ARHGAP6: variants seen among roughly 807,000 people sequenced by gnomAD.
ARHGAP6 encodes rho GTPase-activating protein 6.
ARHGAP6 carries 16 observed loss-of-function variants against 55.7 expected under a neutral mutation model. The observed-to-expected ratio is 0.29, with a 90% confidence interval of 0.19 to 0.44. The LOEUF (loss-of-function observed/expected upper bound fraction) is 0.44, where lower values mean the gene tolerates loss of function less well. Among genes scored for constraint, ARHGAP6 ranks in the 20% least tolerant of loss-of-function variants. The pLI, the probability that ARHGAP6 is intolerant of heterozygous loss-of-function variation, is 1.00. For missense variants in ARHGAP6, 698 were observed against 808.9 expected, an observed-to-expected ratio of 0.86 and a Z score of 1.66; for synonymous variants, 382 against 360.9, an observed-to-expected ratio of 1.06 and a Z score of -0.66.
At chrX:11,146,467 C>T (rs1199423340) in intron 10 of ARHGAP6, among the ~76,000 whole-genome samples, 3 of 112,129 alleles carry the variant, frequency 2.7e-5, no homozygotes, top group Non-Finnish European at 5.6e-5. Flanking sequence ...CAATGAGAGA[C>T]GATGTCTTCT....
At chrX:11,265,714 C>T in intron 1 of ARHGAP6, 1 of 887,999 alleles carries the variant, frequency 1.1e-6, no homozygotes, top group Non-Finnish European at 1.4e-6. Context: ...CGCGTCTTTG[C>T]TGTCCTCTCT....
chrX:11,391,844 C>G (rs1394808323), intron 1 of ARHGAP6, among the ~76,000 whole-genome samples: 1 of 111,584 alleles, frequency 9.0e-6, no homozygotes, highest in African/African-American at 3.3e-5. Context: ...TTGAGTGGGT[C>G]TGGGGTGTGC....
At chrX:11,449,343 T>G (rs773970207) in intron 1 of ARHGAP6, among the ~76,000 whole-genome samples, 1 of 112,577 alleles carries the variant, frequency 8.9e-6, no homozygotes, top group Admixed American at 9.4e-5. Context: ...CAATTACATC[T>G]GATTAGCAAC....
intron 2 of ARHGAP6, among the ~76,000 whole-genome samples, chrX:11,215,246 C>A (rs1336861046): frequency 8.9e-6 from 1 of 112,991 alleles, no homozygotes; most frequent in Non-Finnish European, 1.9e-5. Context: ...AGGTGCACAC[C>A]GGGTGACTCC....
intron 1 of ARHGAP6, among the ~76,000 whole-genome samples, chrX:11,462,831 A>T (rs1316307782): frequency 8.9e-6 from 1 of 112,608 alleles, no homozygotes; most frequent in Non-Finnish European, 1.9e-5. Flanking sequence ...GTGAGCAAAA[A>T]CTGGACCTCT....
chrX:11,138,611 G>A lies in ARHGAP6; in HGVS notation c.*252C>T, dbSNP rs2045576046. 4.8e-6 allele frequency: 2 copies of A among 414,569 alleles called. No individual in the cohort carries two copies. The highest frequency in any genetic ancestry group is 8.3e-6 in the Non-Finnish European group (2 of 241,258). 34.2% of individuals were successfully genotyped at this position (414,569 alleles called of 1,213,427 possible). A position where few individuals can be genotyped will look rare whatever the true frequency, so the allele number is the denominator to read the frequency against. ...CTTATATTATAGAGCCAAGAGGGAC[G>A]TTTTTAGATTGGACATTGCCATCTG... is the stretch of plus-strand genomic sequence containing the variant. On this transcript the variant is annotated 3_prime_UTR_variant, in exon 13 of 13. Coordinates refer to ENST00000337414, the MANE Select transcript of ARHGAP6 (RefSeq NM_013427.3).
intron 1 of ARHGAP6, among the ~76,000 whole-genome samples, chrX:11,276,203 C>A (rs905296955): frequency 9.0e-6 from 1 of 111,288 alleles, no homozygotes; most frequent in Admixed American, 9.6e-5. Context: ...ATGTAACCAT[C>A]ACACTCATCT....
intron 1 of ARHGAP6, among the ~76,000 whole-genome samples, chrX:11,403,083 C>T (rs1471688144): frequency 1.8e-5 from 2 of 112,041 alleles, no homozygotes; most frequent in African/African-American, 3.2e-5. Context: ...GAGTAGAATA[C>T]GGGCAGAGAA....
intron 2 of ARHGAP6, among the ~76,000 whole-genome samples, chrX:11,220,344 G>A (rs2046950416): frequency 1.8e-5 from 2 of 111,194 alleles, no homozygotes; most frequent in African/African-American, 3.3e-5. Context: ...ATTCACCAAA[G>A]TTGAAATGAA....
At chrX:11,372,821 GTTAAC>G in intron 1 of ARHGAP6, among the ~76,000 whole-genome samples, 1 of 97,912 alleles carries the variant, frequency 1.0e-5, no homozygotes, top group South Asian at 5.1e-4. Flanking sequence ...CGAAATTATT[GTTAAC>G]TTAATTGGGA....
chrX:11,590,850 A>G (rs2051807943), intron 1 of ARHGAP6, among the ~76,000 whole-genome samples: 1 of 40,131 alleles, frequency 2.5e-5, no homozygotes, highest in East Asian at 9.5e-4. Context: ...AGAAAAGAAA[A>G]GAAAAGAAAA....
At chrX:11,428,089 C>A (rs2049907841) in intron 1 of ARHGAP6, among the ~76,000 whole-genome samples, 1 of 112,477 alleles carries the variant, frequency 8.9e-6, no homozygotes, top group Non-Finnish European at 1.9e-5. Context: ...TTAATGCCAG[C>A]GAGAAGGCGA....
At chrX:11,612,868 CTTAAG>C (rs923592584) in intron 1 of ARHGAP6, among the ~76,000 whole-genome samples, 4 of 112,504 alleles carry the variant, frequency 3.6e-5, no homozygotes, top group Admixed American at 9.4e-5. Flanking sequence ...CATTCTCACT[CTTAAG>C]TTATCACTCC....
At chrX:11,594,202 A>C (rs992549785) in intron 1 of ARHGAP6, among the ~76,000 whole-genome samples, 9 of 110,678 alleles carry the variant, frequency 8.1e-5, no homozygotes, top group African/African-American at 2.6e-4. Context: ...ACTTTCTAAA[A>C]TTTTCCATGC....
intron 1 of ARHGAP6, among the ~76,000 whole-genome samples, chrX:11,305,113 G>A (rs927410754): frequency 1.8e-5 from 2 of 111,413 alleles, no homozygotes; most frequent in African/African-American, 3.3e-5. Flanking sequence ...CTCTAGATGA[G>A]TGGTTCTTAA....
At chrX:11,398,279 A>G (rs985378173) in intron 1 of ARHGAP6, among the ~76,000 whole-genome samples, 37 of 110,309 alleles carry the variant, frequency 3.4e-4, no homozygotes, top group Admixed American at 7.7e-4. Flanking sequence ...AAAAAAAAAA[A>G]AAAAGAAACC....
At chrX:11,660,528 CTCAAAAAAAAAAA>C in intron 1 of ARHGAP6, among the ~76,000 whole-genome samples, 1 of 35,047 alleles carries the variant, frequency 2.9e-5, no homozygotes, top group Non-Finnish European at 5.2e-5. Flanking sequence ...CTCTCTCTCT[CTCAAAAAAAAAAA>C]AAAAAAAAAA....
chrX:11,451,079 C>A (rs2050139681), intron 1 of ARHGAP6, among the ~76,000 whole-genome samples: 1 of 111,432 alleles, frequency 9.0e-6, no homozygotes, highest in Non-Finnish European at 1.9e-5. Context: ...CTCCCTGTAA[C>A]CTGCACACAT....
intron 1 of ARHGAP6, among the ~76,000 whole-genome samples, chrX:11,430,551 C>G (rs1338222109): frequency 8.9e-6 from 1 of 111,968 alleles, no homozygotes; most frequent in Non-Finnish European, 1.9e-5. Context: ...TCATGCAGAA[C>G]TCTAAGAAGT....
Sources: gnomAD v4.1 joint callset for allele counts (sites outside exome capture counted in the v4.1 genomes callset) on GRCh38, gnomAD v4.1.1 for gene constraint, MANE v1.5 for transcripts, NCBI Gene and HGNC (gene_info 2026-07-23, HGNC 2026-07-21) for gene names.